The following RAVER2 variants were observed in gnomAD, a reference collection of about 807,000 sequenced individuals.
RAVER2 encodes ribonucleoprotein PTB-binding 2.
In RAVER2, 46 loss-of-function variants were observed where a neutral mutation model predicts 78.1. The observed-to-expected ratio is 0.59, with a 90% CI of 0.46 to 0.75. The LOEUF (loss-of-function observed/expected upper bound fraction) is 0.75, where lower values mean the gene tolerates loss of function less well. Among genes scored for constraint, RAVER2 ranks in the 30% least tolerant of loss-of-function variants. The pLI, the probability that RAVER2 is intolerant of heterozygous loss-of-function variation, is 0.00. For missense variants in RAVER2, 793 were observed against 837.5 expected (o/e 0.95, Z 0.66); for synonymous variants, 311 against 313.3 (o/e 0.99, Z 0.08).
chr1:64,769,608 C>T (rs956853902), intron 2 of RAVER2, among the ~76,000 whole-genome samples: 1 of 151,960 alleles, frequency 6.6e-6, no homozygotes, highest in African/African-American at 2.4e-5. Context: ...ACATGTATCC[C>T]TTCCAGGTGA....
At chr1:64,776,460 A>C (rs761740362) in intron 2 of RAVER2, among the ~76,000 whole-genome samples, 5 of 152,240 alleles carry the variant, frequency 3.3e-5, no homozygotes, top group Non-Finnish European at 7.3e-5. Context: ...GCCGCATGGC[A>C]CTAAGACCAA....
In RAVER2 at chr1:64,830,906, TG is replaced by T; in HGVS notation, c.1999del (p.Glu667AsnfsTer19). 2 of 1,613,640 alleles carry T rather than the reference TG, an allele frequency of 1.2e-6. No individual in the cohort carries two copies. The highest frequency in any genetic ancestry group is 1.7e-6 in the Non-Finnish European group (2 of 1,179,572). On this transcript the variant is annotated frameshift_variant, in exon 12 of 12. Transcript: ENST00000294428. LOFTEE classifies it high-confidence loss of function. ...ATCTCTGCCCCAGAAGGTGGTTCAGTGGAATGTGTTGACCAGCATTCTCAGG... is the reference window on the plus strand; with the variant it reads ...ATCTCTGCCCCAGAAGGTGGTTCAGTGAATGTGTTGACCAGCATTCTCAGG...
intron 2 of RAVER2, among the ~76,000 whole-genome samples, chr1:64,777,108 G>A (rs754692820): frequency 6.6e-5 from 10 of 152,048 alleles, no homozygotes; most frequent in Non-Finnish European, 1.5e-4. Context: ...GAAAGAAATG[G>A]CCTCCTTTAT....
chr1:64,833,198 T>A (rs1654231120), exon 12 of RAVER2: 1 of 207,172 alleles, frequency 4.8e-6, no homozygotes, highest in Non-Finnish European at 9.9e-6. Context: ...GCTTTGAAAA[T>A]GAAATCTTAA....
At chr1:64,810,008 G>T (rs1653560819) in intron 9 of RAVER2, among the ~76,000 whole-genome samples, 1 of 152,152 alleles carries the variant, frequency 6.6e-6, no homozygotes, top group Non-Finnish European at 1.5e-5. Context: ...CATGTGGGTT[G>T]TTTCTACCTT....
chr1:64,784,282 T>C (rs1207217204), intron 4 of RAVER2, among the ~76,000 whole-genome samples: 1 of 152,076 alleles, frequency 6.6e-6, no homozygotes, highest in Admixed American at 6.6e-5. Flanking sequence ...GGGGCTGAGG[T>C]GGGAGAATAA....
intron 11 of RAVER2, among the ~76,000 whole-genome samples, chr1:64,823,926 C>T (rs1035597163): frequency 6.6e-6 from 1 of 151,474 alleles, no homozygotes; most frequent in African/African-American, 2.4e-5. Flanking sequence ...CCTGCCTCAG[C>T]GTCCCGAGTA....
At chr1:64,810,720 T>A (rs1428314328) in intron 9 of RAVER2, among the ~76,000 whole-genome samples, 1 of 152,224 alleles carries the variant, frequency 6.6e-6, no homozygotes, top group East Asian at 1.9e-4. Context: ...CATCTGTATA[T>A]TTTCTTTGGA....
At chr1:64,771,689 G>A (rs1484260619) in intron 2 of RAVER2, among the ~76,000 whole-genome samples, 1 of 152,024 alleles carries the variant, frequency 6.6e-6, no homozygotes, top group African/African-American at 2.4e-5. Flanking sequence ...CTCTTATACA[G>A]TACATGAAGT....
At chr1:64,780,589 G>A (rs1465436245) in intron 3 of RAVER2, among the ~76,000 whole-genome samples, 1 of 152,146 alleles carries the variant, frequency 6.6e-6, no homozygotes, top group Non-Finnish European at 1.5e-5. Flanking sequence ...GATATACTAA[G>A]CTGAATTTTG....
chr1:64,745,787 G>A lies in RAVER2; in HGVS notation c.249+366G>A, dbSNP rs559393673. The stretch of plus-strand genomic sequence containing the variant: ...CACACATTTTGCGGGGGGGAGCGGG[G>A]GTAGAGGGGGCCGAAGCTTCGGGAG... On this transcript the variant is annotated intron_variant, in intron 1 of 11. Transcript: ENST00000294428. The surrounding 1 kb of genome is among the most constrained non-coding windows in gnomAD (Gnocchi z 4.3). 1.3e-5 allele frequency among the ~76,000 whole-genome samples: 2 copies of A among 152,018 alleles called. No individual in the cohort carries two copies. Among genetic ancestry groups the A allele is most frequent in the Non-Finnish European group, 1.5e-5 (1 of 67,994 alleles).
At chr1:64,822,109 A>G (rs1653903499) in intron 11 of RAVER2, among the ~76,000 whole-genome samples, 1 of 152,200 alleles carries the variant, frequency 6.6e-6, no homozygotes, top group African/African-American at 2.4e-5. Flanking sequence ...AACAACAGTG[A>G]GACCCCGTCT....
intron 5 of RAVER2, among the ~76,000 whole-genome samples, chr1:64,801,428 A>G (rs1653260079): frequency 6.6e-6 from 1 of 150,992 alleles, no homozygotes; most frequent in Non-Finnish European, 1.5e-5. Flanking sequence ...TATTCCAGTT[A>G]TTTTACAATA....
At chr1:64,796,666 G>A (rs939135222) in intron 5 of RAVER2, among the ~76,000 whole-genome samples, 7 of 151,970 alleles carry the variant, frequency 4.6e-5, no homozygotes, top group African/African-American at 1.7e-4. Flanking sequence ...TGATAAGTCT[G>A]GCAAAAGGTT....
At chr1:64,773,495 G>A (rs1652377943) in intron 2 of RAVER2, among the ~76,000 whole-genome samples, 1 of 152,080 alleles carries the variant, frequency 6.6e-6, no homozygotes, top group East Asian at 1.9e-4. Context: ...CCATGTCCCT[G>A]CAAAGGACAT....
At chr1:64,768,596 C>A in intron 1 of RAVER2, 60 bp from the exon 2 acceptor site, 2 of 1,051,130 alleles carry the variant, frequency 1.9e-6, no homozygotes, top group Non-Finnish European at 2.9e-6. Context: ...GCTAATAGAG[C>A]TAGATTATCT....
intron 11 of RAVER2, among the ~76,000 whole-genome samples, chr1:64,818,378 T>C (rs1653803359): frequency 6.6e-6 from 1 of 151,864 alleles, no homozygotes; most frequent in Admixed American, 6.6e-5. Flanking sequence ...CCACTAAAAA[T>C]ACAAAAAATT....
exon 12 of RAVER2, chr1:64,831,617 G>GA (rs998133217): frequency 2.0e-5 from 3 of 152,100 alleles, no homozygotes; most frequent in Non-Finnish European, 2.9e-5. Context: ...TACCTTCTGT[G>GA]AAAAATAGAA....
chr1:64,797,299 A>T (rs775070340), intron 5 of RAVER2, among the ~76,000 whole-genome samples: 30 of 152,170 alleles, frequency 2.0e-4, no homozygotes, highest in Non-Finnish European at 3.4e-4. Flanking sequence ...TATACTGAGG[A>T]GAAGGATGGG....
Sources: allele counts gnomAD v4.1 joint callset (sites outside exome capture counted in the v4.1 genomes callset), GRCh38; gene constraint gnomAD v4.1.1; non-coding constraint Gnocchi (gnomAD v3.1); transcripts MANE v1.5; gene names NCBI Gene and HGNC (gene_info 2026-07-23, HGNC 2026-07-21).